Variants in CELF2 observed in about 807,000 individuals in gnomAD.
The protein encoded by CELF2 is CUGBP Elav-like family member 2, also known as CUG triplet repeat RNA-binding protein 2.
A neutral mutation model predicts 62.6 loss-of-function variants in CELF2; 8 were observed. The ratio of observed to expected loss-of-function variants is 0.13; its 90% CI spans 0.07 to 0.23. The LOEUF (loss-of-function observed/expected upper bound fraction) is 0.23. Ranked by LOEUF, CELF2 falls within the 10% of genes least tolerant of loss-of-function variation. The pLI is 1.00. For missense variants in CELF2, 333 were observed against 671.0 expected (o/e 0.50, Z 5.56); for synonymous variants, 258 against 250.0 (o/e 1.03, Z -0.30).
At chr10:11,054,340 A>C (rs2064670998) in intron 1 of CELF2, among the ~76,000 whole-genome samples, 1 of 152,176 alleles carries the variant, frequency 6.6e-6, no homozygotes, top group African/African-American at 2.4e-5. Flanking sequence ...CACGAGGAAG[A>C]GGCGGTTGAT....
At chr10:11,240,164 T>C (rs543795991) in intron 3 of CELF2, among the ~76,000 whole-genome samples, 1 of 152,352 alleles carries the variant, frequency 6.6e-6, no homozygotes, top group African/African-American at 2.4e-5. Flanking sequence ...GCCTCCATCA[T>C]GGAATTGGCA....
At chr10:11,172,609 A>G (rs2069293232) in intron 2 of CELF2, among the ~76,000 whole-genome samples, 2 of 152,158 alleles carry the variant, frequency 1.3e-5, no homozygotes, top group South Asian at 2.1e-4. Context: ...TGTGACTTCT[A>G]TCAAAGGGCA....
At chr10:10,638,568 G>C in the CELF2 span, among the ~76,000 whole-genome samples, 2 of 152,176 alleles carry the variant, frequency 1.3e-5, no homozygotes, top group Non-Finnish European at 2.9e-5. Context: ...CCTATGTAGA[G>C]ACAAGTCCTG....
At chr10:11,303,628 A>C (rs754674238) in intron 9 of CELF2, among the ~76,000 whole-genome samples, 1 of 152,218 alleles carries the variant, frequency 6.6e-6, no homozygotes, top group Non-Finnish European at 1.5e-5. Context: ...GTGAATAAAC[A>C]CTAAGCCTCA....
chr10:10,707,883 A>G, the CELF2 span, among the ~76,000 whole-genome samples: 6 of 152,194 alleles, frequency 3.9e-5, no homozygotes, highest in Non-Finnish European at 8.8e-5. Flanking sequence ...AGAGGACTTC[A>G]GGGACATGGA....
chr10:10,975,425 C>T (rs1036157132), intron 2 of CELF2, among the ~76,000 whole-genome samples: 40 of 152,174 alleles, frequency 2.6e-4, no homozygotes, highest in African/African-American at 8.2e-4. Flanking sequence ...TGAGCCACTG[C>T]GCCTGGCCAA....
Position 11,217,373 on chromosome 10 carries a change from C to A in CELF2, c.272-52C>A. 1 of 1,303,954 alleles carries A rather than the reference C, an allele frequency of 7.7e-7. No individual in the cohort carries two copies. Among genetic ancestry groups the A allele is most frequent in the Non-Finnish European group, 1.1e-6 (1 of 906,984 alleles). The allele number at this position is 1,303,954 out of a possible 1,614,324, so 80.8% of individuals were successfully genotyped here. Reference sequence around the variant, plus strand: ...TTGTTCGCCACAGTCTCCATTATATCTAAGCAAAGCATTCACAGAAATTTC... The same window carrying A: ...TTGTTCGCCACAGTCTCCATTATATATAAGCAAAGCATTCACAGAAATTTC... On this transcript the variant is annotated intron_variant, in intron 2 of 12. Coordinates refer to ENST00000633077, the MANE Select transcript of CELF2 (RefSeq NM_001326342.2). The surrounding 1 kb of genome is among the most constrained non-coding windows in gnomAD (Gnocchi z 5.6).
intron 1 of CELF2, among the ~76,000 whole-genome samples, chr10:11,121,224 T>C (rs1231938396): frequency 6.6e-6 from 1 of 152,158 alleles, no homozygotes; most frequent in African/African-American, 2.4e-5. Context: ...TCCAATTACA[T>C]GGTTGATACA....
the CELF2 span, among the ~76,000 whole-genome samples, chr10:10,687,045 A>G: frequency 6.6e-6 from 1 of 152,096 alleles, no homozygotes. Flanking sequence ...TATGCTCCTT[A>G]CCTGTTTCGA....
At chr10:11,215,042 T>G (rs1394170598) in intron 2 of CELF2, among the ~76,000 whole-genome samples, 1 of 152,228 alleles carries the variant, frequency 6.6e-6, no homozygotes, top group Non-Finnish European at 1.5e-5. Context: ...TTCTTTTCAC[T>G]AAGAACTTTG....
chr10:10,497,298 G>A, the CELF2 span, among the ~76,000 whole-genome samples: 1 of 152,052 alleles, frequency 6.6e-6, no homozygotes, highest in South Asian at 2.1e-4. Context: ...ATCCAAGAAA[G>A]GAGAGGACGC....
In CELF2 at chr10:11,165,360, T is replaced by C. The variant is rs2066759515; in HGVS notation, c.75-126T>C. ...TAGTTCATCAAATTTCTACGACTCA[T>C]TAGGCACTTTGCCACTGCTCTTCTT... On this transcript the variant is annotated intron_variant, in intron 1 of 12. Transcript: ENST00000633077. The surrounding 1 kb of genome is among the most constrained non-coding windows in gnomAD (Gnocchi z 7.4). 1.3e-6 allele frequency: 2 copies of C among 1,501,496 alleles called. No homozygotes were observed. The highest frequency in any genetic ancestry group is 1.8e-6 in the Non-Finnish European group (2 of 1,130,244). 93.0% of individuals were successfully genotyped at this position (1,501,496 alleles called of 1,614,324 possible).
chr10:10,703,946 A>G, the CELF2 span, among the ~76,000 whole-genome samples: 9 of 152,202 alleles, frequency 5.9e-5, no homozygotes, highest in Admixed American at 2.0e-4. Flanking sequence ...AAGATCTGTG[A>G]TTTTTAAAGA....
chr10:10,695,055 T>G, the CELF2 span, among the ~76,000 whole-genome samples: 1 of 150,472 alleles, frequency 6.6e-6, no homozygotes, highest in African/African-American at 2.5e-5. Flanking sequence ...CATTATGATG[T>G]TAGCTGGTGA....
In CELF2 at chr10:11,280,660, A is replaced by T. The variant is rs2088118591; in HGVS notation, c.841+5540A>T. 6.6e-6 allele frequency among the ~76,000 whole-genome samples: 1 copy of T among 152,198 alleles called. No homozygotes were observed. Among genetic ancestry groups the T allele is most frequent in the South Asian group, 2.1e-4 (1 of 4,830 alleles). On this transcript the variant is annotated intron_variant, in intron 8 of 12. Coordinates refer to ENST00000633077, the MANE Select transcript of CELF2 (RefSeq NM_001326342.2). The surrounding 1 kb of genome is among the most constrained non-coding windows in gnomAD (Gnocchi z 7.6). ...CATGAGATGGTCAGTAGCACCTAGA[A>T]GATCGGTAGGTGCAGGGATGTCCAT...
At chr10:10,540,811 T>C in the CELF2 span, among the ~76,000 whole-genome samples, 3 of 152,158 alleles carry the variant, frequency 2.0e-5, no homozygotes, top group African/African-American at 7.2e-5. Flanking sequence ...TTGTGGCGGC[T>C]GTGTTCTCTA....
the CELF2 span, among the ~76,000 whole-genome samples, chr10:10,673,483 A>C: frequency 3.3e-5 from 5 of 152,034 alleles, no homozygotes; most frequent in Non-Finnish European, 7.4e-5. Flanking sequence ...TCAAAGAACC[A>C]GCTTTTGGTT....
At chr10:10,686,317 G>GGGGT in the CELF2 span, among the ~76,000 whole-genome samples, 3 of 76,140 alleles carry the variant, frequency 3.9e-5, 1 homozygote, top group Non-Finnish European at 7.1e-5. Flanking sequence ...TTTTGGGGGG[G>GGGGT]GGGGTGGGGT....
At chr10:10,777,814 C>G in the CELF2 span, among the ~76,000 whole-genome samples, 3 of 152,150 alleles carry the variant, frequency 2.0e-5, no homozygotes, top group African/African-American at 7.2e-5. Flanking sequence ...ACCTACCTCT[C>G]TCCCTTATCA....
Sources: allele counts gnomAD v4.1 joint callset (sites outside exome capture counted in the v4.1 genomes callset), GRCh38; gene constraint gnomAD v4.1.1; non-coding constraint Gnocchi (gnomAD v3.1); transcripts MANE v1.5; gene names NCBI Gene and HGNC (gene_info 2026-07-23, HGNC 2026-07-21).